The following MYO16 variants were observed in gnomAD, a reference collection of about 807,000 sequenced individuals.
The protein encoded by MYO16 is myosin XVI.
Under a neutral mutation model 205.3 loss-of-function variants are expected in MYO16, and 94 were observed. That is an observed-to-expected ratio of 0.46 (90% CI 0.39 to 0.54). The LOEUF is 0.54. Ranked by LOEUF, MYO16 falls within the 20% of genes least tolerant of loss-of-function variation. The pLI is 0.00. For missense variants in MYO16, 2,315 were observed against 2,387.5 expected, an observed-to-expected ratio of 0.97 and a Z score of 0.63; for synonymous variants, 988 against 954.0, an observed-to-expected ratio of 1.04 and a Z score of -0.66.
At chr13:109,009,300 A>G (rs75723644) in intron 22 of MYO16, among the ~76,000 whole-genome samples, 2,588 of 152,306 alleles carry the variant, frequency 0.017, 77 homozygotes, top group African/African-American at 0.059. Flanking sequence ...TTTATTCAAC[A>G]TCACTAAAAC....
chr13:108,851,380 A>G (rs1207060140), intron 10 of MYO16, among the ~76,000 whole-genome samples: 2 of 152,164 alleles, frequency 1.3e-5, no homozygotes, highest in Non-Finnish European at 2.9e-5. Context: ...TAAAAAGAAA[A>G]TATATTTACA....
intron 12 of MYO16, among the ~76,000 whole-genome samples, chr13:108,870,734 T>C (rs1879011114): frequency 6.6e-6 from 1 of 152,066 alleles, no homozygotes; most frequent in South Asian, 2.1e-4. Flanking sequence ...CATATGTTGG[T>C]AATTTGTGAC....
At chr13:108,795,503 T>A (rs147216216) in intron 6 of MYO16, among the ~76,000 whole-genome samples, 1 of 152,208 alleles carries the variant, frequency 6.6e-6, no homozygotes, top group Non-Finnish European at 1.5e-5. Context: ...TTACCGCGCC[T>A]GGCCAGCTTC....
the MYO16 span, among the ~76,000 whole-genome samples, chr13:108,583,596 A>G: frequency 1.3e-5 from 2 of 152,214 alleles, no homozygotes; most frequent in African/African-American, 2.4e-5. Context: ...AAATCATAGC[A>G]TGTATTATTG....
intron 20 of MYO16, among the ~76,000 whole-genome samples, chr13:108,971,915 A>T (rs1432252011): frequency 1.3e-5 from 2 of 151,688 alleles, no homozygotes; most frequent in Non-Finnish European, 2.9e-5. Flanking sequence ...GATAATAGTG[A>T]TGGGGCTAGG....
chr13:108,667,716 T>G (rs1881803011), intron 2 of MYO16, among the ~76,000 whole-genome samples: 1 of 152,144 alleles, frequency 6.6e-6, no homozygotes, highest in Non-Finnish European at 1.5e-5. Context: ...ATCTTAAAAT[T>G]TAAGCCCTAT....
intron 20 of MYO16, among the ~76,000 whole-genome samples, chr13:108,979,975 A>T (rs561674688): frequency 6.6e-6 from 1 of 152,302 alleles, no homozygotes; most frequent in South Asian, 2.1e-4. Context: ...TAATCATGAT[A>T]TCTATGATAA....
Position 108,793,603 on chromosome 13 carries a change from G to T in MYO16, c.704G>T (p.Gly235Val). The change falls in exon 6 of 35, where the codon GGA (glycine) becomes GTA (valine). Residue 235 changes from glycine to valine, a missense_variant. This residue lies in a region of MYO16 where 1,213 missense variants were observed against 1,274.4 expected (regional missense o/e 0.95). Coordinates refer to ENST00000457511, the MANE Select transcript of MYO16 (RefSeq NM_001198950.3). ...TDVKHFLSSG[G>V]NVNEKNDEGV... ...GTCAAACACTTCTTATCATCTGGAG[G>T]AAATGTCAATGAGAAAAACGATGAA... The T allele has an allele frequency of 2.5e-6, 4 of 1,613,818 alleles. No individual in the cohort carries two copies. The highest frequency in any genetic ancestry group is 3.4e-6 in the Non-Finnish European group (4 of 1,179,782).
chr13:108,902,020 C>G (rs9301331), intron 15 of MYO16, among the ~76,000 whole-genome samples: 51,043 of 151,934 alleles, frequency 0.34, 9,223 homozygotes, highest in Non-Finnish European at 0.41. Flanking sequence ...AAAGTGTTGA[C>G]AAAACTAAAA....
intron 14 of MYO16, among the ~76,000 whole-genome samples, chr13:108,891,025 T>C (rs1247681797): frequency 1.3e-5 from 2 of 152,184 alleles, no homozygotes; most frequent in Non-Finnish European, 2.9e-5. Context: ...AGAGCTGCTG[T>C]CCCAACAGCA....
At chr13:109,080,896 A>G (rs1258474509) in intron 27 of MYO16, among the ~76,000 whole-genome samples, 1 of 152,186 alleles carries the variant, frequency 6.6e-6, no homozygotes, top group Non-Finnish European at 1.5e-5. Context: ...TTAAAAAATT[A>G]GGATTTTAGC....
intron 1 of MYO16, among the ~76,000 whole-genome samples, chr13:108,614,571 T>G (rs1404580497): frequency 3.3e-5 from 5 of 152,052 alleles, no homozygotes; most frequent in Admixed American, 2.6e-4. Flanking sequence ...AATTACAAAA[T>G]TACTACAAAG....
In MYO16 at chr13:108,722,999, G is replaced by A. The variant is rs539880536; in HGVS notation, c.364-4441G>A. 3.3e-5 allele frequency among the ~76,000 whole-genome samples: 5 copies of A among 151,998 alleles called. No homozygotes were observed. In the South Asian group the frequency reaches 8.3e-4, roughly 25 times the overall value. ...TGCTTACTTGAATCCTAATAATGGT[G>A]TCTGCTAATACATTCCTCCATACTC... On this transcript the variant is annotated intron_variant, in intron 3 of 34. Transcript: ENST00000457511.
intron 31 of MYO16, among the ~76,000 whole-genome samples, chr13:109,129,930 G>A (rs557284499): frequency 2.6e-5 from 4 of 151,614 alleles, no homozygotes; most frequent in Admixed American, 6.6e-5. Context: ...TGTTATGAAG[G>A]GGGATCAAAT....
chr13:108,538,557 C>T, the MYO16 span, among the ~76,000 whole-genome samples: 1 of 151,984 alleles, frequency 6.6e-6, no homozygotes, highest in East Asian at 1.9e-4. Context: ...CTCACCAAAG[C>T]TTAGCTCTGA....
At chr13:108,996,880 G>C (rs116953069) in intron 21 of MYO16, among the ~76,000 whole-genome samples, 1,899 of 152,256 alleles carry the variant, frequency 0.012, 19 homozygotes, top group Middle Eastern at 0.075. Flanking sequence ...CAAAGTCATG[G>C]AAACAAATCA....
Position 109,140,133 on chromosome 13 carries a change from G to T in MYO16, c.4052-131G>T. On this transcript the variant is annotated intron_variant, in intron 31 of 34. Coordinates refer to ENST00000457511, the MANE Select transcript of MYO16 (RefSeq NM_001198950.3). This position sits in a 1 kb window ranked among gnomAD's most constrained non-coding sequence, Gnocchi z 8.0. ...CAGCCAGGGAGCCTAGTGGGTGGAG[G>T]AACATGCAGGCCCGGTCCCTTGGGA... 7.0e-7 allele frequency: 1 copy of T among 1,432,684 alleles called. No homozygotes were observed. The highest frequency in any genetic ancestry group is 9.1e-7 in the Non-Finnish European group (1 of 1,097,498). 88.7% of individuals were successfully genotyped at this position (1,432,684 alleles called of 1,614,324 possible).
intron 28 of MYO16, among the ~76,000 whole-genome samples, chr13:109,119,175 A>G (rs1341430734): frequency 6.6e-6 from 1 of 152,238 alleles, no homozygotes; most frequent in Non-Finnish European, 1.5e-5. Context: ...CTGGCCAACC[A>G]TTCTGAAGAC....
the MYO16 span, among the ~76,000 whole-genome samples, chr13:108,589,621 G>A: frequency 2.0e-4 from 31 of 151,946 alleles, no homozygotes; most frequent in Admixed American, 2.6e-4. Flanking sequence ...TTACCTTTTC[G>A]AAAGTCTTGT....
Sources: gnomAD v4.1 joint callset for allele counts (sites outside exome capture counted in the v4.1 genomes callset) on GRCh38, gnomAD v4.1.1 for gene constraint, gnomAD v4.1.1 regional missense constraint, Gnocchi (gnomAD v3.1) non-coding constraint, MANE v1.5 for transcripts, NCBI Gene and HGNC (gene_info 2026-07-23, HGNC 2026-07-21) for gene names.